SLC12A2: variants seen among roughly 807,000 people sequenced by gnomAD.
The protein encoded by SLC12A2 is Na-K-2Cl cotransporter 1.
A neutral mutation model predicts 136.3 loss-of-function variants in SLC12A2; 67 were observed. The observed-to-expected ratio is 0.49, with a 90% CI of 0.40 to 0.60. The LOEUF is 0.60. SLC12A2 is among the 20% of genes least tolerant of loss of function. SLC12A2 has a pLI of 0.00. For missense variants in SLC12A2, 1,322 were observed against 1,534.7 expected (o/e 0.86, Z 2.32); for synonymous variants, 619 against 562.9 (o/e 1.10, Z -1.41).
At chr5:128,116,529 T>G (rs533991473) in intron 4 of SLC12A2, among the ~76,000 whole-genome samples, 29 of 152,030 alleles carry the variant, frequency 1.9e-4, no homozygotes, top group African/African-American at 6.5e-4. Flanking sequence ...AAAAAATGAC[T>G]ATATATTATA....
rs373911135 is a variant in SLC12A2 at position 128,084,488 on chromosome 5, G to C, written c.534G>C (p.Val178=). 85 of 1,610,862 alleles carry C rather than the reference G, an allele frequency of 5.3e-5. No individual in the cohort carries two copies. The African/African-American group carries it at 1.0e-3, about 20-fold the overall frequency. ...GCTTCCAGAACGGCGGGGACACGGTGCTGAGCGAGGGCAGCAGCCTGCACT... is the reference window on the plus strand; with the variant it reads ...GCTTCCAGAACGGCGGGGACACGGTCCTGAGCGAGGGCAGCAGCCTGCACT... ...NVSFQNGGDT[V]LSEGSSLHSG... The change falls in exon 1 of 27, where the codon GTG becomes GTC. Residue 178 remains valine (V), a synonymous_variant. Transcript: ENST00000262461. The surrounding 1 kb of genome is among the most constrained non-coding windows in gnomAD (Gnocchi z 5.6).
At chr5:128,126,966 A>ATATATT in intron 4 of SLC12A2, among the ~76,000 whole-genome samples, 4 of 21,160 alleles carry the variant, frequency 1.9e-4, no homozygotes, top group East Asian at 1.6e-3. Flanking sequence ...ATATATATAT[A>ATATATT]TTTTTTTTTT....
At chr5:128,179,904 C>T (rs1354388519) in intron 22 of SLC12A2, among the ~76,000 whole-genome samples, 1 of 147,046 alleles carries the variant, frequency 6.8e-6, no homozygotes. Flanking sequence ...CAGCAGAATC[C>T]TCCTTAGGCT....
chr5:128,165,931 C>A (rs866511712), intron 17 of SLC12A2, among the ~76,000 whole-genome samples: 16 of 141,948 alleles, frequency 1.1e-4, no homozygotes, highest in African/African-American at 3.4e-4. Context: ...CCCCCCCCCC[C>A]CCAGTTAAAA....
At chr5:128,101,455 T>A (rs1760738165) in intron 1 of SLC12A2, among the ~76,000 whole-genome samples, 1 of 152,142 alleles carries the variant, frequency 6.6e-6, no homozygotes, top group South Asian at 2.1e-4. Flanking sequence ...ATTCAGAAGT[T>A]TGTAGGGTGT....
At chr5:128,126,964 A>ATTT (rs1433767277) in intron 4 of SLC12A2, among the ~76,000 whole-genome samples, 2,886 of 21,418 alleles carry the variant, frequency 0.13, 193 homozygotes, top group Non-Finnish European at 0.15. Context: ...ATATATATAT[A>ATTT]TATTTTTTTT....
intron 17 of SLC12A2, among the ~76,000 whole-genome samples, chr5:128,164,253 T>C (rs1301584347): frequency 6.6e-6 from 1 of 152,256 alleles, no homozygotes; most frequent in Middle Eastern, 3.4e-3. Context: ...GACTATACTT[T>C]AAGAATCACT....
intron 15 of SLC12A2, among the ~76,000 whole-genome samples, chr5:128,153,094 T>C (rs1762757340): frequency 6.6e-6 from 1 of 152,208 alleles, no homozygotes; most frequent in South Asian, 2.1e-4. Flanking sequence ...ATGAGATTCA[T>C]AAAGATTTTT....
At chr5:128,131,986 C>T (rs1349132040) in intron 5 of SLC12A2, among the ~76,000 whole-genome samples, 6 of 152,068 alleles carry the variant, frequency 3.9e-5, no homozygotes, top group African/African-American at 1.4e-4. Context: ...ACCTGGGCAG[C>T]AAGAGTGAAA....
chr5:128,151,312 A>T lies in SLC12A2; in HGVS notation c.2179A>T (p.Met727Leu). Residue 727 changes from methionine to leucine, a missense_variant, in exon 14 of 27, where the codon ATG (methionine) becomes TTG (leucine). Met to Leu is a conservative substitution (Grantham distance 15, BLOSUM62 2). Transcript: ENST00000262461. ...LLGAILCCIV[M>L]FVINWWAALL... The stretch of plus-strand genomic sequence containing the variant: ...TGGAGCAATTCTTTGTTGCATAGTA[A>T]TGTTCGTCATTAACTGGTGGGCTGC... 1 of 1,612,880 alleles carries T rather than the reference A, an allele frequency of 6.2e-7. No homozygotes were observed. The highest frequency in any genetic ancestry group is 1.1e-5 in the South Asian group (1 of 90,974).
chr5:128,146,720 A>G (rs1762539672), intron 10 of SLC12A2, among the ~76,000 whole-genome samples: 1 of 151,684 alleles, frequency 6.6e-6, no homozygotes, highest in Admixed American at 6.6e-5. Context: ...ACTTTATATC[A>G]TATCTTTTCG....
chr5:128,093,383 T>C (rs1760409632), intron 1 of SLC12A2, among the ~76,000 whole-genome samples: 1 of 152,130 alleles, frequency 6.6e-6, no homozygotes, highest in Non-Finnish European at 1.5e-5. Flanking sequence ...GTCCAATGAC[T>C]CCCGAAATTT....
chr5:128,124,611 C>T (rs1761713759), intron 4 of SLC12A2, among the ~76,000 whole-genome samples: 1 of 152,158 alleles, frequency 6.6e-6, no homozygotes, highest in South Asian at 2.1e-4. Context: ...CTTCCATGAC[C>T]TCTCCAAGTG....
At chr5:128,104,307 CA>C (rs1235440346) in intron 1 of SLC12A2, among the ~76,000 whole-genome samples, 3 of 152,108 alleles carry the variant, frequency 2.0e-5, no homozygotes, top group Admixed American at 6.5e-5. Context: ...TTAAATAACA[CA>C]AAACTCTATC....
intron 4 of SLC12A2, among the ~76,000 whole-genome samples, chr5:128,123,844 C>T (rs1761679593): frequency 1.3e-5 from 2 of 152,090 alleles, no homozygotes; most frequent in African/African-American, 4.8e-5. Context: ...GGAATGGTAT[C>T]TAAGAAACCT....
chr5:128,143,240 T>G (rs1009271511), intron 10 of SLC12A2, among the ~76,000 whole-genome samples: 12 of 152,280 alleles, frequency 7.9e-5, no homozygotes, highest in African/African-American at 2.6e-4. Flanking sequence ...AGTTTTCTAA[T>G]TAGTGTTGTC....
At chr5:128,151,134 CCT>C (rs1362294570) in intron 13 of SLC12A2, 105 bp from the exon 14 acceptor site, 1 of 892,188 alleles carries the variant, frequency 1.1e-6, no homozygotes, top group Non-Finnish European at 1.7e-6. Flanking sequence ...TGCTTAAAGT[CCT>C]CTCAGTGTGG....
intron 1 of SLC12A2, among the ~76,000 whole-genome samples, chr5:128,088,753 G>A (rs951932098): frequency 1.8e-4 from 27 of 152,144 alleles, no homozygotes; most frequent in African/African-American, 6.0e-4. Flanking sequence ...CATTAACAAG[G>A]GGAAAGGTCA....
intron 22 of SLC12A2, among the ~76,000 whole-genome samples, chr5:128,180,033 A>G (rs1056793518): frequency 4.1e-5 from 5 of 121,790 alleles, no homozygotes; most frequent in Admixed American, 1.1e-4. Flanking sequence ...ACAGTGGCGC[A>G]ATCTCGGCCC....
Sources: gnomAD v4.1 joint callset for allele counts (sites outside exome capture counted in the v4.1 genomes callset) on GRCh38, gnomAD v4.1.1 for gene constraint, Gnocchi (gnomAD v3.1) non-coding constraint, MANE v1.5 for transcripts, NCBI Gene and HGNC (gene_info 2026-07-23, HGNC 2026-07-21) for gene names.